MBOAT1: variants seen among roughly 807,000 people sequenced by gnomAD.
MBOAT1 encodes the protein membrane-bound glycerophospholipid O-acyltransferase 1.
In MBOAT1, 67 loss-of-function variants were observed where a neutral mutation model predicts 64.4. The observed-to-expected ratio is 1.04, with a 90% CI of 0.85 to 1.27. The LOEUF (loss-of-function observed/expected upper bound fraction) is 1.27, where lower values mean the gene tolerates loss of function less well. Ranked by LOEUF, MBOAT1 falls within the 50% of genes most tolerant of loss-of-function variation. The pLI is 0.00. For synonymous variants in MBOAT1, 229 were observed against 218.9 expected, an observed-to-expected ratio of 1.05 and a Z score of -0.41; for missense variants, 563 against 604.6, an observed-to-expected ratio of 0.93 and a Z score of 0.72.
At chr6:20,124,216 A>C (rs148308315) in intron 8 of MBOAT1, among the ~76,000 whole-genome samples, 192 bp downstream of exon 8, 48 of 152,276 alleles carry the variant, frequency 3.2e-4, no homozygotes, top group African/African-American at 1.1e-3. Context: ...TCTCCTTATC[A>C]TGGAGAACTG....
Position 20,154,694 on chromosome 6 carries a change from T to C in MBOAT1, c.100-1925A>G, listed in dbSNP as rs75014900. Among the ~76,000 whole-genome samples, 20 of 152,330 alleles carry C rather than the reference T, an allele frequency of 1.3e-4. No individual in the cohort carries two copies. In the East Asian group the frequency reaches 3.9e-3, roughly 29 times the overall value. ...GAGCCTGTCCTGCGTGATTTGGTCA[T>C]ATCTTTTCATCTAGACTGAATGAAT... On this transcript the variant is annotated intron_variant, in intron 1 of 12. Transcript: ENST00000324607.
At chr6:20,134,902 CTT>C (rs3057688) in intron 4 of MBOAT1, among the ~76,000 whole-genome samples, 569 of 104,650 alleles carry the variant, frequency 5.4e-3, no homozygotes, top group South Asian at 0.013. Context: ...AATTCATGTT[CTT>C]TTTTTTTTTT....
intron 1 of MBOAT1, among the ~76,000 whole-genome samples, chr6:20,194,977 G>T (rs1291624427): frequency 1.3e-5 from 2 of 150,386 alleles, no homozygotes; most frequent in Non-Finnish European, 2.9e-5. Context: ...TTTTAGACAG[G>T]ATCTAGCTCT....
intron 1 of MBOAT1, among the ~76,000 whole-genome samples, chr6:20,158,256 T>C (rs1761754815): frequency 6.7e-6 from 1 of 150,160 alleles, no homozygotes; most frequent in African/African-American, 2.5e-5. Flanking sequence ...GGACAGAGAG[T>C]CCACAAATAA....
At chr6:20,122,136 G>A (rs531582467) in intron 8 of MBOAT1, among the ~76,000 whole-genome samples, 5 of 152,256 alleles carry the variant, frequency 3.3e-5, no homozygotes, top group Admixed American at 1.3e-4. Context: ...TTGCACTCCA[G>A]CCTGGGTGAC....
intron 3 of MBOAT1, among the ~76,000 whole-genome samples, chr6:20,147,936 T>C (rs1581423147): frequency 6.6e-6 from 1 of 152,218 alleles, no homozygotes; most frequent in East Asian, 1.9e-4. Context: ...GACTCCAGCA[T>C]TGATAACTGC....
At chr6:20,151,158 T>C (rs1160205244) in intron 3 of MBOAT1, 27 bp downstream of exon 3, 11 of 1,528,574 alleles carry the variant, frequency 7.2e-6, no homozygotes, top group Non-Finnish European at 7.2e-6. Context: ...AAATCTCACC[T>C]TGCATTGTTC....
At chr6:20,176,104 T>C (rs1255188650) in intron 1 of MBOAT1, among the ~76,000 whole-genome samples, 1 of 152,066 alleles carries the variant, frequency 6.6e-6, no homozygotes, top group Non-Finnish European at 1.5e-5. Context: ...GGCAACAAAG[T>C]GAGAACCTGT....
intron 8 of MBOAT1, among the ~76,000 whole-genome samples, chr6:20,124,029 C>G (rs952637975): frequency 1.3e-5 from 2 of 152,110 alleles, no homozygotes; most frequent in African/African-American, 4.8e-5. Flanking sequence ...TGCGCTCCAG[C>G]CTGGGCGACA....
intron 11 of MBOAT1, among the ~76,000 whole-genome samples, chr6:20,109,966 G>T (rs1222750612): frequency 7.2e-6 from 1 of 138,558 alleles, no homozygotes; most frequent in Non-Finnish European, 1.5e-5. Flanking sequence ...CTGGAGTGCA[G>T]TGGCGCAATC....
chr6:20,171,055 G>A (rs1400714137), intron 1 of MBOAT1, among the ~76,000 whole-genome samples: 1 of 152,134 alleles, frequency 6.6e-6, no homozygotes, highest in Admixed American at 6.5e-5. Flanking sequence ...TCTTTATTCT[G>A]TAGGAAATAT....
In MBOAT1 at chr6:20,210,578, TCTCCCTCCCTCC is replaced by T. The variant is rs537699494; in HGVS notation, c.99+1546_99+1557del. Among the ~76,000 whole-genome samples the T allele has an allele frequency of 5.2e-3, 782 of 149,948 alleles. 3 individuals carry two copies. The highest frequency in any genetic ancestry group is 8.0e-3 in the Non-Finnish European group (538 of 67,256). ...TCTCCTTCGGTTTATCCCAGAAGTC[TCTCCCTCCCTCC>T]CTCCCTCCCTCCCTCCCAGTTTTAA... is the stretch of plus-strand genomic sequence containing the variant. On this transcript the variant is annotated intron_variant, in intron 1 of 12. Transcript: ENST00000324607.
rs1174071847 is a variant in MBOAT1 at position 20,144,275 on chromosome 6, G to A, written c.364C>T (p.His122Tyr). The change falls in exon 4 of 13, where the codon CAC (histidine) becomes TAC (tyrosine). Residue 122 changes from histidine (H) to tyrosine (Y), a missense_variant. His to Tyr is a moderately conservative substitution (Grantham distance 83). Transcript: ENST00000324607. ...FVAMGYLTIC[H>Y]ISRIYIFHYG... ...TGGAAGATGTATATTCGGCTGATGT[G>A]GCATATTGTAAGATATCCCATTGCT... 6.2e-7 allele frequency: 1 copy of A among 1,612,852 alleles called. No homozygotes were observed. Among genetic ancestry groups the A allele is most frequent in the African/African-American group, 1.3e-5 (1 of 74,992 alleles).
chr6:20,147,981 G>A (rs1761376103), intron 3 of MBOAT1, among the ~76,000 whole-genome samples: 1 of 152,210 alleles, frequency 6.6e-6, no homozygotes, highest in Non-Finnish European at 1.5e-5. Flanking sequence ...CTCTGCCCCA[G>A]GAGACACAAG....
intron 3 of MBOAT1, among the ~76,000 whole-genome samples, chr6:20,146,542 A>C (rs1761330607): frequency 6.6e-6 from 1 of 152,236 alleles, no homozygotes; most frequent in Admixed American, 6.5e-5. Context: ...AAGTGGAATG[A>C]AGTTAGGCCT....
At chr6:20,208,768 G>A (rs1043728834) in intron 1 of MBOAT1, among the ~76,000 whole-genome samples, 1 of 152,104 alleles carries the variant, frequency 6.6e-6, no homozygotes, top group Non-Finnish European at 1.5e-5. Flanking sequence ...CAGTTTGGGG[G>A]CACCATCAGG....
In MBOAT1 at chr6:20,126,660, T is replaced by G. The variant is rs769392228; in HGVS notation, c.571A>C (p.Asn191His). 1.2e-6 allele frequency: 2 copies of G among 1,612,938 alleles called. No individual in the cohort carries two copies. Among genetic ancestry groups the G allele is most frequent in the Non-Finnish European group, 1.7e-6 (2 of 1,179,668 alleles). The change falls in exon 7 of 13, where the codon AAT becomes CAT. Residue 191 changes from asparagine to histidine, a missense_variant. By Grantham distance (68) the Asn-to-His change is moderately conservative. Coordinates refer to ENST00000324607, the MANE Select transcript of MBOAT1 (RefSeq NM_001080480.3). Reference protein sequence around the residue: ...SFLEYLSYLLNFMSVIAGPCN... With the variant: ...SFLEYLSYLLHFMSVIAGPCN... The stretch of plus-strand genomic sequence containing the variant: ...GGACCAGCTATGACACTCATGAAAT[T>G]GAGAAGGTAACTTAAGTATTCCAAA...
chr6:20,111,813 T>TACATATATATACATATATATAC (rs1162219521), intron 11 of MBOAT1, among the ~76,000 whole-genome samples: 1 of 121,910 alleles, frequency 8.2e-6, no homozygotes, highest in Non-Finnish European at 1.7e-5. Flanking sequence ...TTCATATATA[T>TACATATATATACATATATATAC]ACATATATAT....
chr6:20,123,974 A>G (rs534196217), intron 8 of MBOAT1, among the ~76,000 whole-genome samples: 100 of 152,216 alleles, frequency 6.6e-4, no homozygotes, highest in Non-Finnish European at 9.4e-4. Context: ...GGAGAATGGC[A>G]TTAACCCAGG....
Sources: allele counts gnomAD v4.1 joint callset (sites outside exome capture counted in the v4.1 genomes callset), GRCh38; gene constraint gnomAD v4.1.1; transcripts MANE v1.5; gene names NCBI Gene and HGNC (gene_info 2026-07-23, HGNC 2026-07-21).